Variants in USP53 observed in about 807,000 individuals in gnomAD.
USP53 encodes the protein ubiquitin specific peptidase 53, also known as ubiquitin carboxyl-terminal hydrolase 53.
A neutral mutation model predicts 94.9 loss-of-function variants in USP53; 71 were observed. The observed-to-expected ratio is 0.75, with a 90% CI of 0.62 to 0.91. The LOEUF is 0.91. Ranked by LOEUF, USP53 falls within the 40% of genes least tolerant of loss-of-function variation. USP53 has a pLI of 0.00. For missense variants in USP53, 1,173 were observed against 1,281.0 expected, an observed-to-expected ratio of 0.92 and a Z score of 1.29; for synonymous variants, 375 against 422.7, an observed-to-expected ratio of 0.89 and a Z score of 1.39.
intron 3 of USP53, among the ~76,000 whole-genome samples, chr4:119,235,031 A>G (rs1746544445): frequency 6.6e-6 from 1 of 152,240 alleles, no homozygotes; most frequent in Non-Finnish European, 1.5e-5. Context: ...TGTTATCCCC[A>G]TCTTAAAAGT....
At chr4:119,266,364 G>C (rs946894032) in intron 12 of USP53, 1 of 456,048 alleles carries the variant, frequency 2.2e-6, no homozygotes, top group Admixed American at 2.4e-5. Context: ...ACAAGAAACT[G>C]TCAAATTGAT....
chr4:119,230,978 A>C (rs192337670), intron 3 of USP53, among the ~76,000 whole-genome samples: 122 of 152,282 alleles, frequency 8.0e-4, no homozygotes, highest in African/African-American at 2.9e-3. Flanking sequence ...GCATATCTGC[A>C]CAGCCCATGC....
intron 2 of USP53, among the ~76,000 whole-genome samples, chr4:119,214,610 CT>C (rs1051778042): frequency 6.6e-5 from 9 of 135,568 alleles, no homozygotes; most frequent in African/African-American, 2.3e-4. Flanking sequence ...TATTCTTTTC[CT>C]TAAAAAAAAA....
intron 9 of USP53, among the ~76,000 whole-genome samples, chr4:119,257,624 T>G (rs1749950828): frequency 6.6e-6 from 1 of 152,250 alleles, no homozygotes; most frequent in Non-Finnish European, 1.5e-5. Context: ...ATCATGTTTA[T>G]TCATTTCATA....
chr4:119,246,431 A>G (rs974929706), intron 6 of USP53, among the ~76,000 whole-genome samples: 2 of 152,232 alleles, frequency 1.3e-5, no homozygotes, highest in Admixed American at 1.3e-4. Context: ...TTCCCAGCCC[A>G]CAGCCAGCAT....
intron 17 of USP53, 119 bp downstream of exon 17, chr4:119,273,827 C>G: frequency 2.7e-6 from 2 of 733,460 alleles, no homozygotes; most frequent in Non-Finnish European, 4.3e-6. Context: ...TTTTAAATAA[C>G]CCTAAAATAT....
intron 17 of USP53, among the ~76,000 whole-genome samples, chr4:119,287,464 C>A (rs2149475901): frequency 6.6e-6 from 1 of 152,146 alleles, no homozygotes; most frequent in East Asian, 1.9e-4. Flanking sequence ...TATTTTTCCC[C>A]TATAGGGCAA....
chr4:119,249,558 A>G (rs1748685974), intron 7 of USP53, among the ~76,000 whole-genome samples: 1 of 152,006 alleles, frequency 6.6e-6, no homozygotes, highest in African/African-American at 2.4e-5. Context: ...AAACCCTTTC[A>G]GAAGTTTTTT....
chr4:119,236,494 G>C (rs1420097279), intron 4 of USP53, among the ~76,000 whole-genome samples: 1 of 152,206 alleles, frequency 6.6e-6, no homozygotes, highest in Non-Finnish European at 1.5e-5. Flanking sequence ...GACACTGTTT[G>C]ATAGCATATT....
At chr4:119,241,323 G>A (rs578104209) in intron 5 of USP53, among the ~76,000 whole-genome samples, 2 of 151,986 alleles carry the variant, frequency 1.3e-5, no homozygotes, top group Non-Finnish European at 2.9e-5. Context: ...GCCATTTCTG[G>A]TGCTCATCAC....
chr4:119,226,465 T>C (rs1422790864), intron 3 of USP53, among the ~76,000 whole-genome samples: 2 of 152,182 alleles, frequency 1.3e-5, no homozygotes, highest in African/African-American at 4.8e-5. Context: ...TTTCTGCATG[T>C]TAGTAATGAA....
intron 5 of USP53, among the ~76,000 whole-genome samples, 156 bp downstream of exon 5, chr4:119,240,059 C>G (rs1228149906): frequency 6.6e-6 from 1 of 151,920 alleles, no homozygotes; most frequent in Non-Finnish European, 1.5e-5. Context: ...TTTGGCTGGT[C>G]ATTTTGGTTT....
intron 3 of USP53, among the ~76,000 whole-genome samples, chr4:119,226,888 T>C (rs1445957304): frequency 6.6e-6 from 1 of 152,148 alleles, no homozygotes; most frequent in Non-Finnish European, 1.5e-5. Flanking sequence ...AGCTGAAGTG[T>C]AGTGGCACAA....
In USP53 at chr4:119,292,809, C is replaced by T. The variant is rs748046927; in HGVS notation, c.2820C>T (p.Ser940=). 89 of 1,610,574 alleles carry T rather than the reference C, an allele frequency of 5.5e-5. No homozygotes were observed. Among genetic ancestry groups the T allele is most frequent in the South Asian group, 3.7e-4 (34 of 90,920 alleles). Reference sequence around the variant, plus strand: ...CCAGTGTGCCACAGTCAGAGAAAAGCGAATCTACACCTGATGTCAAACTTA... The same window carrying T: ...CCAGTGTGCCACAGTCAGAGAAAAGTGAATCTACACCTGATGTCAAACTTA... ...AITSVPQSEK[S]ESTPDVKLTE... is the part of the protein sequence containing the mutation. The change falls in exon 19 of 19, where the codon AGC becomes AGT. Residue 940 remains serine (S), a synonymous_variant. Transcript: ENST00000692078.
chr4:119,228,659 A>G (rs1440377009), intron 3 of USP53, among the ~76,000 whole-genome samples: 1 of 152,122 alleles, frequency 6.6e-6, no homozygotes, highest in Non-Finnish European at 1.5e-5. Flanking sequence ...GAAATGTTCT[A>G]TAGCTTGATT....
intron 3 of USP53, among the ~76,000 whole-genome samples, chr4:119,225,813 C>G (rs1053057101): frequency 6.6e-6 from 1 of 151,776 alleles, no homozygotes; most frequent in East Asian, 1.9e-4. Flanking sequence ...AAGAAAACTA[C>G]AGACTGAAAA....
At position 119,267,335 on chromosome 4, in the gene USP53, A is replaced by G; in HGVS notation, c.988A>G (p.Lys330Glu). The G allele has an allele frequency of 6.2e-7, 1 of 1,613,496 alleles. No homozygotes were observed. Among genetic ancestry groups the G allele is most frequent in the Non-Finnish European group, 8.5e-7 (1 of 1,179,846 alleles). The part of the protein sequence containing the change: ...ANVKEIGTRW[K>E]DVVSKCIRCH... ...TTTTTAAAAGATTGGAACTAGATGG[A>G]AAGATGTTGTCTCCAAATGCATTCG... Residue 330 changes from lysine (K) to glutamate (E), a missense_variant, in exon 13 of 19, where the codon AAA (lysine) becomes GAA (glutamate). By Grantham distance (56) the Lys-to-Glu change is moderately conservative (BLOSUM62 1). Coordinates refer to ENST00000692078, the MANE Select transcript of USP53 (RefSeq NM_001371395.1).
chr4:119,243,323 C>T (rs902308165), intron 5 of USP53, among the ~76,000 whole-genome samples: 3 of 151,916 alleles, frequency 2.0e-5, no homozygotes, highest in Admixed American at 6.6e-5. Context: ...CATGGTGAAA[C>T]CCCGTCTCTA....
chr4:119,234,657 A>G (rs997220243), intron 3 of USP53, among the ~76,000 whole-genome samples: 3 of 152,234 alleles, frequency 2.0e-5, no homozygotes, highest in Admixed American at 2.0e-4. Context: ...CATTCTACAA[A>G]CATGATTAAA....
Sources: allele counts gnomAD v4.1 joint callset (sites outside exome capture counted in the v4.1 genomes callset), GRCh38; gene constraint gnomAD v4.1.1; transcripts MANE v1.5; gene names NCBI Gene and HGNC (gene_info 2026-07-23, HGNC 2026-07-21).